PPP6R3: variants seen among roughly 807,000 people sequenced by gnomAD.
PPP6R3 encodes the protein serine/threonine-protein phosphatase 6 regulatory subunit 3.
In PPP6R3, 38 loss-of-function variants were observed where a neutral mutation model predicts 110.7. That is an observed-to-expected ratio of 0.34 (90% CI 0.26 to 0.45). PPP6R3 has a LOEUF of 0.45. PPP6R3 is among the 20% of genes least tolerant of loss of function. PPP6R3 has a pLI of 1.00. For synonymous variants in PPP6R3, 369 were observed against 373.5 expected (o/e 0.99, Z 0.14); for missense variants, 870 against 1,062.4 (o/e 0.82, Z 2.52).
chr11:68,557,628 C>T (rs2099404639), intron 7 of PPP6R3, among the ~76,000 whole-genome samples: 1 of 152,260 alleles, frequency 6.6e-6, no homozygotes, highest in Admixed American at 6.5e-5. Flanking sequence ...AAGCGATTCT[C>T]CTGCCTCAGC....
At chr11:68,602,905 CAAAG>C (rs367628757) in intron 21 of PPP6R3, among the ~76,000 whole-genome samples, 74 of 152,244 alleles carry the variant, frequency 4.9e-4, no homozygotes, top group African/African-American at 1.7e-3. Flanking sequence ...CATTAGAGAA[CAAAG>C]AAACGATCCA....
chr11:68,488,700 T>A (rs1027451210), intron 1 of PPP6R3: 13 of 151,834 alleles, frequency 8.6e-5, no homozygotes, highest in Admixed American at 4.6e-4. Flanking sequence ...GGGCACTGGG[T>A]AGTTGTAGGG....
At chr11:68,559,026 A>G (rs1434554261) in intron 8 of PPP6R3, among the ~76,000 whole-genome samples, 1 of 152,262 alleles carries the variant, frequency 6.6e-6, no homozygotes, top group Admixed American at 6.5e-5. Context: ...ATAATTAAAA[A>G]TAGGTGTTCC....
rs1392968208 is a variant in PPP6R3 at position 68,596,159 on chromosome 11, A to T, written c.1979A>T (p.Asp660Val). Reference protein sequence around the residue: ...DSEEEDGAKQDLFEPSSANTE... With the variant: ...DSEEEDGAKQVLFEPSSANTE... Reference sequence around the variant, plus strand: ...GAAGAAGAAGATGGAGCAAAGCAAGACTTGTTTGAACCCAGCAGTGCCAAC... The same window carrying T: ...GAAGAAGAAGATGGAGCAAAGCAAGTCTTGTTTGAACCCAGCAGTGCCAAC... Residue 660 changes from aspartate (D) to valine (V), a missense_variant, in exon 19 of 24, where the codon GAC (aspartate) becomes GTC (valine). By Grantham distance (152) the Asp-to-Val change is radical (BLOSUM62 -3). Coordinates refer to ENST00000393800, the MANE Select transcript of PPP6R3 (RefSeq NM_001164161.2). The T allele has an allele frequency of 8.1e-6, 13 of 1,614,202 alleles. No individual in the cohort carries two copies. The highest frequency in any genetic ancestry group is 1.1e-5 in the Non-Finnish European group (13 of 1,180,018).
intron 12 of PPP6R3, 47 bp downstream of exon 12, chr11:68,571,151 T>G (rs1046898932): frequency 6.4e-7 from 1 of 1,571,744 alleles, no homozygotes; most frequent in African/African-American, 1.4e-5. Context: ...GTTGGTAATA[T>G]GAGGAAAATA....
At chr11:68,606,477 AG>A (rs1566181308) in intron 22 of PPP6R3, among the ~76,000 whole-genome samples, 5 of 128,664 alleles carry the variant, frequency 3.9e-5, no homozygotes, top group African/African-American at 1.6e-4. Context: ...AAATTTATGT[AG>A]TTTTTTTTTT....
intron 1 of PPP6R3, among the ~76,000 whole-genome samples, chr11:68,469,105 T>C (rs2098770442): frequency 6.6e-6 from 1 of 152,230 alleles, no homozygotes; most frequent in South Asian, 2.1e-4. Context: ...AGTTAGTAAA[T>C]ATTTTAGGCA....
chr11:68,504,408 C>T (rs2099064462), intron 1 of PPP6R3, among the ~76,000 whole-genome samples: 1 of 152,138 alleles, frequency 6.6e-6, no homozygotes, highest in Non-Finnish European at 1.5e-5. Context: ...TCACGTTTCA[C>T]TTAAGTCAGT....
chr11:68,507,448 T>G (rs1270492053), intron 1 of PPP6R3, among the ~76,000 whole-genome samples: 1 of 152,180 alleles, frequency 6.6e-6, no homozygotes, highest in Non-Finnish European at 1.5e-5. Context: ...AGTTGGTTGT[T>G]GCCTGATTAT....
chr11:68,483,196 A>G lies in PPP6R3; in HGVS notation c.-158+22369A>G, dbSNP rs189295743. ...GCAAAGGGAAGAAAACTTTTCTTAG[A>G]AAAGTATTTTGTTTACCTCCTTTCA... On this transcript the variant is annotated intron_variant, in intron 1 of 23. Coordinates refer to ENST00000393800, the MANE Select transcript of PPP6R3 (RefSeq NM_001164161.2). 3.8e-3 allele frequency among the ~76,000 whole-genome samples: 586 copies of G among 152,344 alleles called. 3 individuals carry two copies. Among genetic ancestry groups the G allele is most frequent in the Non-Finnish European group, 7.1e-3 (485 of 68,026 alleles).
intron 3 of PPP6R3, among the ~76,000 whole-genome samples, chr11:68,542,389 G>GTTTTTTTGTTTT (rs1555132286): frequency 2.5e-5 from 1 of 40,206 alleles, no homozygotes; most frequent in East Asian, 1.0e-3. Context: ...AGAAGCTGCT[G>GTTTTTTTGTTTT]TTTTTTTTTT....
chr11:68,610,817 G>T (rs1322563315), intron 23 of PPP6R3, among the ~76,000 whole-genome samples: 1 of 152,074 alleles, frequency 6.6e-6, no homozygotes, highest in African/African-American at 2.4e-5. Flanking sequence ...GACCTTTAAA[G>T]CTATTTCAGA....
At chr11:68,494,086 GA>G (rs2099000611) in intron 1 of PPP6R3, among the ~76,000 whole-genome samples, 1 of 137,100 alleles carries the variant, frequency 7.3e-6, no homozygotes, top group Non-Finnish European at 1.5e-5. Context: ...CTGGGCAGCT[GA>G]GCGAGACTCC....
intron 1 of PPP6R3, among the ~76,000 whole-genome samples, chr11:68,503,224 G>T (rs1037533120): frequency 7.9e-5 from 12 of 152,198 alleles, no homozygotes; most frequent in African/African-American, 2.9e-4. Context: ...TTACAGGCGT[G>T]AGCCACCGTG....
At chr11:68,484,120 G>C (rs989542100) in intron 1 of PPP6R3, among the ~76,000 whole-genome samples, 3 of 152,164 alleles carry the variant, frequency 2.0e-5, no homozygotes, top group African/African-American at 7.2e-5. Flanking sequence ...TTCACCTACT[G>C]AAAGATAGCT....
At chr11:68,594,597 A>C (rs1413826172) in intron 18 of PPP6R3, among the ~76,000 whole-genome samples, 1 of 152,236 alleles carries the variant, frequency 6.6e-6, no homozygotes, top group Non-Finnish European at 1.5e-5. Flanking sequence ...GATAAAGACA[A>C]CTTGGTAAAT....
At chr11:68,521,496 A>G (rs2099164023) in intron 2 of PPP6R3, among the ~76,000 whole-genome samples, 1 of 152,048 alleles carries the variant, frequency 6.6e-6, no homozygotes, top group Admixed American at 6.5e-5. Context: ...TCCTCCTTTT[A>G]CACATCTCTG....
intron 14 of PPP6R3, among the ~76,000 whole-genome samples, chr11:68,577,281 G>C (rs1413087450): frequency 1.6e-3 from 249 of 152,288 alleles, no homozygotes; most frequent in Non-Finnish European, 3.2e-3. Flanking sequence ...CGTTTAACTT[G>C]AGTGTTCTGG....
At chr11:68,586,114 ATTT>A (rs201309254) in intron 15 of PPP6R3, among the ~76,000 whole-genome samples, 1 of 151,442 alleles carries the variant, frequency 6.6e-6, no homozygotes, top group Non-Finnish European at 1.5e-5. Context: ...CTTAAAAAAA[ATTT>A]TTTTTTGGAG....
Sources: gnomAD v4.1 joint callset for allele counts (sites outside exome capture counted in the v4.1 genomes callset) on GRCh38, gnomAD v4.1.1 for gene constraint, MANE v1.5 for transcripts, NCBI Gene and HGNC (gene_info 2026-07-23, HGNC 2026-07-21) for gene names.